The following GPC5 variants were observed in gnomAD, a reference collection of about 807,000 sequenced individuals.
GPC5 encodes glypican-5.
GPC5 carries 47 observed loss-of-function variants against 53.9 expected under a neutral mutation model. The observed-to-expected ratio is 0.87, with a 90% CI of 0.69 to 1.11. The LOEUF is 1.11. GPC5 is among the 50% of genes most tolerant of loss of function. The probability of loss-of-function intolerance (pLI) is 0.00; values close to 1 mark genes in which losing one functional copy is unlikely to be tolerated. For synonymous variants in GPC5, 286 were observed against 263.3 expected, an observed-to-expected ratio of 1.09 and a Z score of -0.84; for missense variants, 748 against 713.1, an observed-to-expected ratio of 1.05 and a Z score of -0.56.
intron 7 of GPC5, among the ~76,000 whole-genome samples, chr13:92,740,827 T>C (rs1186231552): frequency 3.3e-5 from 5 of 150,882 alleles, no homozygotes; most frequent in African/African-American, 1.2e-4. Context: ...AAGAAGCAGG[T>C]AGAATATATT....
chr13:92,409,618 TAGC>T (rs1875954750), intron 7 of GPC5, among the ~76,000 whole-genome samples: 1 of 152,110 alleles, frequency 6.6e-6, no homozygotes, highest in South Asian at 2.1e-4. Flanking sequence ...AAGGAAAATT[TAGC>T]ACTATTTTCA....
intron 1 of GPC5, among the ~76,000 whole-genome samples, chr13:91,410,593 G>C (rs1028305976): frequency 4.0e-5 from 6 of 151,602 alleles, no homozygotes; most frequent in Non-Finnish European, 8.8e-5. Flanking sequence ...TGATCCGCCC[G>C]CCTTGGCCTC....
chr13:91,822,556 C>T (rs2038512598), intron 5 of GPC5, among the ~76,000 whole-genome samples: 2 of 152,042 alleles, frequency 1.3e-5, no homozygotes, highest in Admixed American at 6.6e-5. Flanking sequence ...AGAACTTGTG[C>T]AGGGGAACTG....
intron 6 of GPC5, among the ~76,000 whole-genome samples, chr13:92,122,668 T>C (rs1279444225): frequency 6.7e-6 from 1 of 150,332 alleles, no homozygotes; most frequent in African/African-American, 2.4e-5. Flanking sequence ...ATGGATAAAA[T>C]TGTGTAATAA....
At chr13:91,949,624 G>C (rs570372533) in intron 6 of GPC5, among the ~76,000 whole-genome samples, 1 of 152,186 alleles carries the variant, frequency 6.6e-6, no homozygotes, top group South Asian at 2.1e-4. Context: ...TATAGCCAAA[G>C]AATAATAGAA....
At chr13:91,616,442 C>T (rs1021812817) in intron 2 of GPC5, among the ~76,000 whole-genome samples, 4 of 152,072 alleles carry the variant, frequency 2.6e-5, no homozygotes, top group Non-Finnish European at 4.4e-5. Context: ...GGCATAACCT[C>T]AGAAAGCCTG....
chr13:92,564,202 T>A (rs1303220940), intron 7 of GPC5, among the ~76,000 whole-genome samples: 1 of 151,636 alleles, frequency 6.6e-6, no homozygotes, highest in Non-Finnish European at 1.5e-5. Flanking sequence ...AAATTGTCAC[T>A]TAGTAAGTAA....
intron 2 of GPC5, among the ~76,000 whole-genome samples, chr13:91,688,291 G>T (rs1358921394): frequency 2.0e-5 from 3 of 152,022 alleles, no homozygotes; most frequent in African/African-American, 7.2e-5. Context: ...ATTTTATGAA[G>T]TGATTAGGAC....
At chr13:92,703,932 T>C (rs1345383002) in intron 7 of GPC5, among the ~76,000 whole-genome samples, 1 of 152,000 alleles carries the variant, frequency 6.6e-6, no homozygotes. Flanking sequence ...TAGTTTATTC[T>C]TTACCCATTA....
At chr13:92,086,767 T>A (rs1273047931) in intron 6 of GPC5, among the ~76,000 whole-genome samples, 2 of 152,134 alleles carry the variant, frequency 1.3e-5, no homozygotes, top group Non-Finnish European at 2.9e-5. Context: ...CAAGCGATTC[T>A]CCTGCCTCAG....
chr13:91,946,783 A>T lies in GPC5; in HGVS notation c.1401+38726A>T, dbSNP rs1036234103. ...ATAGATAACGAGAAAAAAAAATTAA[A>T]ATTAAACTCAATACCTTGAGTCTGT... is the stretch of plus-strand genomic sequence containing the variant. On this transcript the variant is annotated intron_variant, in intron 6 of 7. Coordinates refer to ENST00000377067, the MANE Select transcript of GPC5 (RefSeq NM_004466.6). Among the ~76,000 whole-genome samples the T allele has an allele frequency of 5.9e-5, 9 of 152,276 alleles. No individual in the cohort carries two copies. The South Asian group carries it at 1.7e-3, about 28-fold the overall frequency.
chr13:91,957,941 T>TA (rs1181093471), intron 6 of GPC5, among the ~76,000 whole-genome samples: 2 of 151,648 alleles, frequency 1.3e-5, no homozygotes, highest in African/African-American at 2.4e-5. Flanking sequence ...AGCACAATGA[T>TA]AAAAAATAAG....
intron 6 of GPC5, among the ~76,000 whole-genome samples, chr13:92,023,229 T>TCC (rs2138793742): frequency 6.6e-6 from 1 of 152,122 alleles, no homozygotes; most frequent in South Asian, 2.1e-4. Flanking sequence ...TCTGGTCAAT[T>TCC]TTTTTTATAT....
chr13:91,867,198 A>G (rs2039094785), intron 5 of GPC5, among the ~76,000 whole-genome samples: 1 of 152,204 alleles, frequency 6.6e-6, no homozygotes, highest in African/African-American at 2.4e-5. Context: ...CTGGGAAACA[A>G]GAGTGAAACT....
intron 5 of GPC5, among the ~76,000 whole-genome samples, chr13:91,758,949 C>A (rs1409904680): frequency 6.6e-6 from 1 of 152,080 alleles, no homozygotes; most frequent in Non-Finnish European, 1.5e-5. Context: ...TACTCCTGTG[C>A]CCTTTGGTTC....
At chr13:92,524,394 T>C (rs917410882) in intron 7 of GPC5, among the ~76,000 whole-genome samples, 2 of 152,056 alleles carry the variant, frequency 1.3e-5, no homozygotes, top group African/African-American at 4.8e-5. Context: ...CTGCATTGTA[T>C]AGGGAGTAAT....
chr13:91,972,225 C>T (rs2040249675), intron 6 of GPC5, among the ~76,000 whole-genome samples: 1 of 152,082 alleles, frequency 6.6e-6, no homozygotes. Context: ...ATGTAATGGC[C>T]TTCTTTGTCT....
rs114087481 is a variant in GPC5, at chr13:92,143,483, T to C, written c.1402-1347T>C. Among the ~76,000 whole-genome samples, 900 of 152,240 alleles carry C rather than the reference T, an allele frequency of 5.9e-3. 11 individuals are homozygous for C. The highest frequency in any genetic ancestry group is 0.027 in the Middle Eastern group (8 of 294). ...ATACACATCAGTATATTAAACACAG[T>C]AGAAAAGTTTGTCTAACTTAATATT... On this transcript the variant is annotated intron_variant, in intron 6 of 7. Transcript: ENST00000377067.
chr13:91,404,705 A>G (rs1389413731), intron 1 of GPC5, among the ~76,000 whole-genome samples: 1 of 152,220 alleles, frequency 6.6e-6, no homozygotes, highest in African/African-American at 2.4e-5. Context: ...TGTGCAGTGT[A>G]CCTTTATAGA....
Sources: gnomAD v4.1 joint callset for allele counts (sites outside exome capture counted in the v4.1 genomes callset) on GRCh38, gnomAD v4.1.1 for gene constraint, MANE v1.5 for transcripts, NCBI Gene and HGNC (gene_info 2026-07-23, HGNC 2026-07-21) for gene names.